The following SNX29 variants were observed in gnomAD, a reference collection of about 807,000 sequenced individuals.
The protein encoded by SNX29 is sorting nexin-29.
SNX29 carries 78 observed loss-of-function variants against 102.1 expected under a neutral mutation model. The ratio of observed to expected loss-of-function variants is 0.76; its 90% CI spans 0.64 to 0.92. The LOEUF is 0.92. SNX29 is among the 40% of genes least tolerant of loss of function. SNX29 has a pLI of 0.00. For synonymous variants in SNX29, 580 were observed against 414.5 expected (o/e 1.40, Z -4.85); for missense variants, 1,280 against 1,061.7 (o/e 1.21, Z -2.86).
intron 10 of SNX29, among the ~76,000 whole-genome samples, chr16:12,069,693 T>C (rs1431815610): frequency 6.6e-6 from 1 of 152,088 alleles, no homozygotes; most frequent in Non-Finnish European, 1.5e-5. Context: ...TCTATTGTTA[T>C]TTTCTTTTTT....
At chr16:12,043,942 C>T (rs888520189) in intron 5 of SNX29, among the ~76,000 whole-genome samples, 10 of 151,646 alleles carry the variant, frequency 6.6e-5, no homozygotes, top group Middle Eastern at 3.5e-3. Flanking sequence ...TTAGTGGGTA[C>T]GGGGTTTAAT....
chr16:12,310,114 G>A lies in SNX29; in HGVS notation c.1782+32078G>A, dbSNP rs961667171. 1.2e-3 allele frequency among the ~76,000 whole-genome samples: 84 copies of A among 72,504 alleles called. 1 individual carries two copies. The East Asian group carries it at 0.016, about 14-fold the overall frequency. 47.6% of individuals were successfully genotyped at this position (72,504 alleles called of 152,430 possible). On this transcript the variant is annotated intron_variant, in intron 15 of 20. Transcript: ENST00000566228. ...CATGCACACACATGCACACATACAC[G>A]TGCACGCACACATGCATGCACATAC... is the stretch of plus-strand genomic sequence containing the variant.
rs999581540 is a variant in SNX29 at position 12,238,915 on chromosome 16, G to A, written c.1679-39018G>A. On this transcript the variant is annotated intron_variant, in intron 14 of 20. Transcript: ENST00000566228. ...ATCCTCAGGTTGGTCTAAGATGCCT[G>A]TTGAAGCTCTAGCCAGCATGTCTGT... is the stretch of plus-strand genomic sequence containing the variant. 2.6e-5 allele frequency among the ~76,000 whole-genome samples: 4 copies of A among 152,202 alleles called. No individual in the cohort carries two copies. The South Asian group carries it at 6.2e-4, about 24-fold the overall frequency.
intron 18 of SNX29, among the ~76,000 whole-genome samples, chr16:12,413,889 TGTC>T (rs1467057432): frequency 3.3e-5 from 1 of 30,318 alleles, no homozygotes; most frequent in Non-Finnish European, 1.0e-4. Context: ...ATCCCTTGCT[TGTC>T]TGGGGGGGAT....
chr16:12,175,053 C>T (rs563435502), intron 13 of SNX29, among the ~76,000 whole-genome samples: 1 of 152,264 alleles, frequency 6.6e-6, no homozygotes, highest in African/African-American at 2.4e-5. Context: ...TAGGTGGCTT[C>T]TAAAGGGAGA....
At chr16:12,428,375 C>G (rs2085168936) in intron 18 of SNX29, among the ~76,000 whole-genome samples, 1 of 152,126 alleles carries the variant, frequency 6.6e-6, no homozygotes, top group Non-Finnish European at 1.5e-5. Context: ...TAAGACCAGT[C>G]TTAGCTGGTA....
chr16:12,211,393 G>A (rs1437954766), intron 14 of SNX29, among the ~76,000 whole-genome samples: 2 of 152,144 alleles, frequency 1.3e-5, no homozygotes, highest in Non-Finnish European at 2.9e-5. Context: ...GTAACGTGCT[G>A]GGCCCCGGGG....
At chr16:12,054,413 G>A (rs556338717) in intron 8 of SNX29, among the ~76,000 whole-genome samples, 88 of 152,330 alleles carry the variant, frequency 5.8e-4, no homozygotes, top group African/African-American at 1.7e-3. Context: ...GATGTTTCTG[G>A]GTGAGGGAAG....
chr16:12,414,701 TTTTG>T (rs1301444132), intron 18 of SNX29, among the ~76,000 whole-genome samples: 6 of 151,312 alleles, frequency 4.0e-5, no homozygotes, highest in South Asian at 2.1e-4. Context: ...CTTGGGACGA[TTTTG>T]TTTGTTTATT....
intron 14 of SNX29, among the ~76,000 whole-genome samples, chr16:12,232,772 C>G (rs925553627): frequency 6.6e-6 from 1 of 152,136 alleles, no homozygotes; most frequent in Admixed American, 6.5e-5. Context: ...AAGATGTCCC[C>G]TGAGAGGGCT....
At chr16:12,157,925 C>T (rs1446257013) in intron 13 of SNX29, among the ~76,000 whole-genome samples, 3 of 152,174 alleles carry the variant, frequency 2.0e-5, no homozygotes, top group South Asian at 2.1e-4. Context: ...TCTGTGAAGG[C>T]GCCGTGATTC....
chr16:12,422,344 C>G (rs145220889), intron 18 of SNX29, among the ~76,000 whole-genome samples: 85 of 152,324 alleles, frequency 5.6e-4, no homozygotes, highest in Admixed American at 1.6e-3. Context: ...CAGTAAATAG[C>G]CATGCTTCCT....
chr16:12,569,314 C>CT lies in SNX29; in HGVS notation c.*685_*686insT, dbSNP rs2079135434. The CT allele has an allele frequency of 4.4e-6, 1 of 229,710 alleles. No homozygotes were observed. The highest frequency in any genetic ancestry group is 5.7e-5 in the Admixed American group (1 of 17,632). 14.2% of individuals were successfully genotyped at this position (229,710 alleles called of 1,614,324 possible). A position where few individuals can be genotyped will look rare whatever the true frequency, so the allele number is the denominator to read the frequency against. On this transcript the variant is annotated 3_prime_UTR_variant, in exon 21 of 21. Coordinates refer to ENST00000566228, the MANE Select transcript of SNX29 (RefSeq NM_032167.5). ...CCCCCATGGCTGGCTTCAGGAAGGA[C>CT]CAGTGCCCTCCATAGCCTGAGGCCA... is the stretch of plus-strand genomic sequence containing the variant.
chr16:12,354,772 C>T (rs531150514), intron 15 of SNX29, among the ~76,000 whole-genome samples: 29 of 152,200 alleles, frequency 1.9e-4, no homozygotes, highest in African/African-American at 5.8e-4. Flanking sequence ...GGCCCAAAGA[C>T]GATCGACTCA....
chr16:12,547,824 T>TTAC (rs1199521606), intron 20 of SNX29, among the ~76,000 whole-genome samples: 1 of 152,208 alleles, frequency 6.6e-6, no homozygotes, highest in African/African-American at 2.4e-5. Context: ...AGGGACAGCC[T>TTAC]TACTGAGCCC....
intron 20 of SNX29, among the ~76,000 whole-genome samples, chr16:12,565,578 C>G (rs12708751): frequency 3.9e-5 from 6 of 151,904 alleles, no homozygotes; most frequent in African/African-American, 1.5e-4. Flanking sequence ...CTGTCACACC[C>G]TCAACCACAG....
At chr16:12,500,139 A>T (rs1265612168) in intron 19 of SNX29, among the ~76,000 whole-genome samples, 1 of 151,726 alleles carries the variant, frequency 6.6e-6, no homozygotes, top group East Asian at 1.9e-4. Context: ...CTACAGGCAC[A>T]TGCCACCACA....
chr16:12,446,576 C>G (rs1278283324), intron 18 of SNX29, among the ~76,000 whole-genome samples: 1 of 152,130 alleles, frequency 6.6e-6, no homozygotes, highest in Non-Finnish European at 1.5e-5. Context: ...AAGAACATTG[C>G]TCAGAATAGG....
intron 18 of SNX29, among the ~76,000 whole-genome samples, chr16:12,444,591 A>G (rs2085961236): frequency 6.6e-6 from 1 of 152,200 alleles, no homozygotes; most frequent in East Asian, 1.9e-4. Flanking sequence ...CAGAGTAAGC[A>G]TTTGTGGCCT....
Sources: allele counts gnomAD v4.1 joint callset (sites outside exome capture counted in the v4.1 genomes callset), GRCh38; gene constraint gnomAD v4.1.1; transcripts MANE v1.5; gene names NCBI Gene and HGNC (gene_info 2026-07-23, HGNC 2026-07-21).